The following PELI2 variants were observed in gnomAD, a reference collection of about 807,000 sequenced individuals.
PELI2 encodes E3 ubiquitin-protein ligase pellino homolog 2.
Under a neutral mutation model 42.3 loss-of-function variants are expected in PELI2, and 23 were observed. The ratio of observed to expected loss-of-function variants is 0.54; its 90% CI spans 0.39 to 0.77. PELI2 has a LOEUF of 0.77. Ranked by LOEUF, PELI2 falls within the 30% of genes least tolerant of loss-of-function variation. The probability of loss-of-function intolerance (pLI) is 0.00; values close to 1 mark genes in which losing one functional copy is unlikely to be tolerated. For missense variants in PELI2, 463 were observed against 553.2 expected, an observed-to-expected ratio of 0.84 and a Z score of 1.64; for synonymous variants, 245 against 212.2, an observed-to-expected ratio of 1.15 and a Z score of -1.34.
intron 5 of PELI2, among the ~76,000 whole-genome samples, chr14:56,296,181 T>C (rs1209448753): frequency 6.6e-6 from 1 of 152,204 alleles, no homozygotes; most frequent in Non-Finnish European, 1.5e-5. Flanking sequence ...CCGCAAGATC[T>C]TCTGGATTGG....
At chr14:56,118,852 G>A (rs537344516) in intron 1 of PELI2, 115 bp downstream of exon 1, 4 of 607,672 alleles carry the variant, frequency 6.6e-6, no homozygotes, top group Middle Eastern at 5.3e-4. Context: ...GGCGCTCGGG[G>A]CGGCAGGAGA....
At position 56,296,905 on chromosome 14, in the gene PELI2, G is replaced by C; in HGVS notation, c.1002G>C (p.Glu334Asp). The change falls in exon 6 of 6, where the codon GAG becomes GAC. Residue 334 changes from glutamate (E) to aspartate (D), a missense_variant. Physicochemically the swap from Glu to Asp is conservative, Grantham distance 45. Transcript: ENST00000267460. Reference sequence around the variant, plus strand: ...GTGACACGGAGGCCAACGAGAGGGAGTGTCCCATGTGCAGGACTGTGGGCC... The same window carrying C: ...GTGACACGGAGGCCAACGAGAGGGACTGTCCCATGTGCAGGACTGTGGGCC... Reference protein sequence around the residue: ...HRSDTEANERECPMCRTVGPY... With the variant: ...HRSDTEANERDCPMCRTVGPY... 6.2e-7 allele frequency: 1 copy of C among 1,614,184 alleles called. No individual in the cohort carries two copies. The highest frequency in any genetic ancestry group is 8.5e-7 in the Non-Finnish European group (1 of 1,180,038).
chr14:56,228,318 C>T (rs1887434668), intron 2 of PELI2, among the ~76,000 whole-genome samples: 1 of 152,196 alleles, frequency 6.6e-6, no homozygotes, highest in African/African-American at 2.4e-5. Context: ...CAGTGCCACT[C>T]TGGGAACCTA....
chr14:56,199,774 G>C (rs1886266059), intron 2 of PELI2, among the ~76,000 whole-genome samples: 5 of 152,196 alleles, frequency 3.3e-5, no homozygotes, highest in Admixed American at 2.6e-4. Flanking sequence ...TATTTCTTAA[G>C]TATTTACATG....
chr14:56,296,660 C>G lies in PELI2; in HGVS notation c.757C>G (p.Leu253Val), dbSNP rs1890014763. The G allele has an allele frequency of 6.2e-7, 1 of 1,613,992 alleles. No homozygotes were observed. Among genetic ancestry groups the G allele is most frequent in the Admixed American group, 1.7e-5 (1 of 60,010 alleles). Residue 253 changes from leucine to valine, a missense_variant, in exon 6 of 6, where the codon CTC (leucine) becomes GTC (valine). Leu to Val is a conservative substitution (Grantham distance 32, BLOSUM62 1). Transcript: ENST00000267460. ...GSLIDLCGAT[L>V]LWRTADGLFH... ...CCTCATTGACCTGTGTGGGGCCACT[C>G]TCCTCTGGAGAACAGCAGATGGGCT... is the stretch of plus-strand genomic sequence containing the variant.
intron 1 of PELI2, among the ~76,000 whole-genome samples, chr14:56,142,640 T>C (rs1166714110): frequency 6.6e-6 from 1 of 152,190 alleles, no homozygotes; most frequent in Non-Finnish European, 1.5e-5. Context: ...CAGGCCAGTT[T>C]AGTTCCTTTT....
chr14:56,215,448 T>G (rs1219040401), intron 2 of PELI2, among the ~76,000 whole-genome samples: 1 of 152,220 alleles, frequency 6.6e-6, no homozygotes, highest in Non-Finnish European at 1.5e-5. Flanking sequence ...TGGGGTTTCC[T>G]CAATAGGTAG....
chr14:56,118,761 C>T, intron 1 of PELI2, 24 bp downstream of exon 1: 2 of 1,439,854 alleles, frequency 1.4e-6, no homozygotes, highest in Non-Finnish European at 1.9e-6. Context: ...TCCCTGGTCC[C>T]GGGCAGCGGC....
At chr14:56,139,228 A>C (rs151102903) in intron 1 of PELI2, among the ~76,000 whole-genome samples, 1 of 152,150 alleles carries the variant, frequency 6.6e-6, no homozygotes. Flanking sequence ...AGATGGGCCA[A>C]GGAAGGTGGA....
Position 56,200,760 on chromosome 14 carries a change from C to G in PELI2, c.207+22296C>G, listed in dbSNP as rs148305049. 4.7e-3 allele frequency among the ~76,000 whole-genome samples: 721 copies of G among 152,266 alleles called. 7 individuals are homozygous for G. The highest frequency in any genetic ancestry group is 0.017 in the African/African-American group (694 of 41,544). ...TCTCCTTCTTAAAGTTCCTGTTAGA[C>G]TGTTTTTAATATCACAGCAGGCCTT... On this transcript the variant is annotated intron_variant, in intron 2 of 5. Transcript: ENST00000267460.
chr14:56,232,847 T>A (rs1943430446), intron 2 of PELI2, among the ~76,000 whole-genome samples: 2 of 151,658 alleles, frequency 1.3e-5, no homozygotes, highest in African/African-American at 4.8e-5. Context: ...CATGATTGTC[T>A]ATTTAGAAAA....
intron 1 of PELI2, among the ~76,000 whole-genome samples, chr14:56,133,522 C>T (rs1883571736): frequency 6.6e-6 from 1 of 152,254 alleles, no homozygotes; most frequent in East Asian, 1.9e-4. Flanking sequence ...AAGGACACTA[C>T]ATTTTACACA....
At position 56,288,469 on chromosome 14, in the gene PELI2, C is replaced by T. The variant is rs1317635719; in HGVS notation, c.342C>T (p.Phe114=). ...VGRSTESPID[F]VVTDTISGSQ... ...GATCAACAGAAAGCCCTATCGACTT[C>T]GTTGTCACAGACACGATTTCTGGCA... Residue 114 remains phenylalanine, a synonymous_variant, in exon 4 of 6, where the codon TTC becomes TTT. Transcript: ENST00000267460. The surrounding 1 kb of genome is among the most constrained non-coding windows in gnomAD (Gnocchi z 4.6). 6 of 1,614,036 alleles carry T rather than the reference C, an allele frequency of 3.7e-6. No homozygotes were observed. Among genetic ancestry groups the T allele is most frequent in the East Asian group, 2.2e-5 (1 of 44,864 alleles).
Position 56,229,651 on chromosome 14 carries a change from C to T in PELI2, c.208-50025C>T, listed in dbSNP as rs137903817. On this transcript the variant is annotated intron_variant, in intron 2 of 5. Transcript: ENST00000267460. Reference sequence around the variant, plus strand: ...CCAAAAAGATGGGGAGAAACCAGAGCAGAAAAGCTGAAAATTCTAAAAACC... The same window carrying T: ...CCAAAAAGATGGGGAGAAACCAGAGTAGAAAAGCTGAAAATTCTAAAAACC... Among the ~76,000 whole-genome samples the T allele has an allele frequency of 5.9e-3, 901 of 152,260 alleles. 11 individuals carry two copies. The highest frequency in any genetic ancestry group is 0.021 in the African/African-American group (860 of 41,544).
intron 1 of PELI2, among the ~76,000 whole-genome samples, chr14:56,122,200 G>A (rs555278736): frequency 6.6e-6 from 1 of 152,116 alleles, no homozygotes; most frequent in Non-Finnish European, 1.5e-5. Flanking sequence ...ACTATGGCAC[G>A]TATGTACCTA....
chr14:56,243,366 GAGCTAAC>G (rs1332515673), intron 2 of PELI2, among the ~76,000 whole-genome samples: 2 of 152,110 alleles, frequency 1.3e-5, no homozygotes, highest in Non-Finnish European at 2.9e-5. Flanking sequence ...GCCCCTGATG[GAGCTAAC>G]AGGCACTGAT....
At chr14:56,186,909 T>G (rs1200600995) in intron 2 of PELI2, among the ~76,000 whole-genome samples, 1 of 152,196 alleles carries the variant, frequency 6.6e-6, no homozygotes, top group African/African-American at 2.4e-5. Flanking sequence ...CTACTCAAAC[T>G]TATTTGAATT....
intron 1 of PELI2, among the ~76,000 whole-genome samples, chr14:56,130,540 A>G (rs1273494023): frequency 2.6e-5 from 4 of 152,128 alleles, no homozygotes; most frequent in Non-Finnish European, 5.9e-5. Context: ...CAGTAAGGTG[A>G]AATGTTTTTT....
chr14:56,203,558 A>G (rs1326102794), intron 2 of PELI2, among the ~76,000 whole-genome samples: 1 of 152,174 alleles, frequency 6.6e-6, no homozygotes, highest in Non-Finnish European at 1.5e-5. Context: ...AATTTCTCAG[A>G]GTTGGACAGT....
Sources: gnomAD v4.1 joint callset for allele counts (sites outside exome capture counted in the v4.1 genomes callset) on GRCh38, gnomAD v4.1.1 for gene constraint, Gnocchi (gnomAD v3.1) non-coding constraint, MANE v1.5 for transcripts, NCBI Gene and HGNC (gene_info 2026-07-23, HGNC 2026-07-21) for gene names.